Variants in NR3C2 observed in about 807,000 individuals in gnomAD.
The protein encoded by NR3C2 is mineralocorticoid receptor.
In NR3C2, 15 loss-of-function variants were observed where a neutral mutation model predicts 86.4. That is an observed-to-expected ratio of 0.17 (90% CI 0.12 to 0.27). The LOEUF (loss-of-function observed/expected upper bound fraction) is 0.27, where lower values mean the gene tolerates loss of function less well. NR3C2 is among the 10% of genes least tolerant of loss of function. NR3C2 has a pLI of 1.00. For missense variants in NR3C2, 960 were observed against 1,195.6 expected, an observed-to-expected ratio of 0.80 and a Z score of 2.91; for synonymous variants, 458 against 450.5, an observed-to-expected ratio of 1.02 and a Z score of -0.21.
intron 6 of NR3C2, among the ~76,000 whole-genome samples, chr4:148,151,477 A>T (rs1433492646): frequency 6.6e-6 from 1 of 152,228 alleles, no homozygotes; most frequent in African/African-American, 2.4e-5. Context: ...TGCCAAAAGC[A>T]GGCCACCTCG....
At chr4:148,319,842 C>G (rs1423707754) in intron 2 of NR3C2, among the ~76,000 whole-genome samples, 2 of 146,470 alleles carry the variant, frequency 1.4e-5, no homozygotes, top group Non-Finnish European at 3.0e-5. Flanking sequence ...ATTTGACTTC[C>G]TCTTTTCCTA....
chr4:148,378,524 A>AT (rs1746792900), intron 2 of NR3C2, among the ~76,000 whole-genome samples: 1 of 152,078 alleles, frequency 6.6e-6, no homozygotes, highest in Admixed American at 6.6e-5. Context: ...TCCCTCATGA[A>AT]TGGTTTGGCA....
chr4:148,402,299 G>C (rs926657472), intron 2 of NR3C2, among the ~76,000 whole-genome samples: 1 of 152,204 alleles, frequency 6.6e-6, no homozygotes. Flanking sequence ...GGGGAAGGAG[G>C]AGAAGCTAAT....
At chr4:148,408,518 C>T (rs747884261) in intron 2 of NR3C2, among the ~76,000 whole-genome samples, 1 of 152,192 alleles carries the variant, frequency 6.6e-6, no homozygotes, top group Non-Finnish European at 1.5e-5. Context: ...TTATACTCCA[C>T]AGCATCAAAC....
At chr4:148,137,190 G>C (rs954690144) in intron 6 of NR3C2, among the ~76,000 whole-genome samples, 1 of 152,098 alleles carries the variant, frequency 6.6e-6, no homozygotes, top group African/African-American at 2.4e-5. Flanking sequence ...CATAACCATA[G>C]GAAGGTAGAG....
chr4:148,420,495 C>CA (rs1749230155), intron 2 of NR3C2, among the ~76,000 whole-genome samples: 2 of 152,264 alleles, frequency 1.3e-5, no homozygotes, highest in Middle Eastern at 3.4e-3. Context: ...CCTATGTTCT[C>CA]AAAACATTAT....
At chr4:148,093,169 C>T (rs17376692) in intron 8 of NR3C2, among the ~76,000 whole-genome samples, 14,101 of 152,266 alleles carry the variant, frequency 0.093, 777 homozygotes, top group Middle Eastern at 0.15. Context: ...GGAAGAGGAG[C>T]CTGGCAAGGT....
intron 2 of NR3C2, among the ~76,000 whole-genome samples, chr4:148,381,132 G>A (rs937966987): frequency 6.6e-6 from 1 of 152,000 alleles, no homozygotes; most frequent in Non-Finnish European, 1.5e-5. Flanking sequence ...GGAGGCTGAG[G>A]CAGGAGGATC....
intron 3 of NR3C2, among the ~76,000 whole-genome samples, chr4:148,258,691 C>T (rs1307435964): frequency 6.6e-6 from 1 of 152,192 alleles, no homozygotes; most frequent in African/African-American, 2.4e-5. Context: ...CATGAGAGAA[C>T]GTGCATGAGA....
In NR3C2 at chr4:148,436,083, G is replaced by A. The variant is rs1750049871; in HGVS notation, c.778C>T (p.Pro260Ser). The change falls in exon 2 of 9, where the codon CCT becomes TCT. Residue 260 changes from proline (P) to serine (S), a missense_variant. Physicochemically the swap from Pro to Ser is moderately conservative, Grantham distance 74. Coordinates refer to ENST00000358102, the MANE Select transcript of NR3C2 (RefSeq NM_000901.5). ...SPAHASNVGS[P>S]LSSPLSSMKS... ...ATGCTACTTAACGGACTTGAGAGAG[G>A]AGAGCCCACATTGCTAGCATGTGCA... 1.9e-6 allele frequency: 3 copies of A among 1,614,012 alleles called. No individual in the cohort carries two copies. The highest frequency in any genetic ancestry group is 2.5e-6 in the Non-Finnish European group (3 of 1,180,038).
intron 3 of NR3C2, chr4:148,208,766 G>A (rs1737132356): frequency 6.6e-6 from 1 of 152,026 alleles, no homozygotes; most frequent in Non-Finnish European, 1.5e-5. Flanking sequence ...CATATCCTAG[G>A]CCTTTCCAGT....
At chr4:148,135,775 G>T (rs925103047) in intron 6 of NR3C2, among the ~76,000 whole-genome samples, 35 of 152,100 alleles carry the variant, frequency 2.3e-4, no homozygotes, top group Non-Finnish European at 4.4e-4. Context: ...CAACAAAAAC[G>T]GCCGGGCGCG....
intron 8 of NR3C2, among the ~76,000 whole-genome samples, chr4:148,113,746 G>A (rs1269426944): frequency 1.3e-5 from 2 of 152,136 alleles, no homozygotes; most frequent in African/African-American, 4.8e-5. Context: ...GAGGACATCC[G>A]AATCCCTGGC....
At chr4:148,097,444 G>A (rs1472572720) in intron 8 of NR3C2, among the ~76,000 whole-genome samples, 1 of 152,190 alleles carries the variant, frequency 6.6e-6, no homozygotes, top group African/African-American at 2.4e-5. Flanking sequence ...AGCTGCCCCT[G>A]TAGGGTTGAC....
chr4:148,166,811 CA>C (rs1384525771), intron 4 of NR3C2, among the ~76,000 whole-genome samples: 2 of 151,006 alleles, frequency 1.3e-5, no homozygotes, highest in African/African-American at 4.9e-5. Flanking sequence ...CGTTATCCAT[CA>C]AAGCTGTGAA....
intron 2 of NR3C2, among the ~76,000 whole-genome samples, chr4:148,319,956 A>G (rs906842887): frequency 6.2e-5 from 9 of 146,272 alleles, no homozygotes; most frequent in African/African-American, 7.9e-5. Context: ...GTCTTGTGCC[A>G]GTTTTCAAAG....
chr4:148,299,216 G>A (rs1171272861), intron 2 of NR3C2, among the ~76,000 whole-genome samples: 2 of 152,086 alleles, frequency 1.3e-5, no homozygotes, highest in African/African-American at 2.4e-5. Context: ...CTGAACTAAG[G>A]AGCAAAAAAG....
chr4:148,127,562 T>C (rs1009330264), intron 6 of NR3C2, among the ~76,000 whole-genome samples: 3 of 152,238 alleles, frequency 2.0e-5, no homozygotes, highest in Non-Finnish European at 2.9e-5. Flanking sequence ...AACAGCCATA[T>C]AGTGAACATC....
chr4:148,115,586 G>A (rs1357974833), intron 7 of NR3C2, among the ~76,000 whole-genome samples: 3 of 152,176 alleles, frequency 2.0e-5, no homozygotes, highest in African/African-American at 4.8e-5. Flanking sequence ...TGGAGATGGT[G>A]CTGAGTATTG....
Sources: gnomAD v4.1 joint callset for allele counts (sites outside exome capture counted in the v4.1 genomes callset) on GRCh38, gnomAD v4.1.1 for gene constraint, MANE v1.5 for transcripts, NCBI Gene and HGNC (gene_info 2026-07-23, HGNC 2026-07-21) for gene names.